SENP1: variants seen among roughly 807,000 people sequenced by gnomAD.
SENP1 encodes sentrin-specific protease 1.
Under a neutral mutation model 93.0 loss-of-function variants are expected in SENP1, and 21 were observed. That is an observed-to-expected ratio of 0.23 (90% CI 0.16 to 0.33). The LOEUF (loss-of-function observed/expected upper bound fraction) is 0.33, where lower values mean the gene tolerates loss of function less well. Among genes scored for constraint, SENP1 ranks in the 10% least tolerant of loss-of-function variants. The pLI is 1.00. For synonymous variants in SENP1, 256 were observed against 259.6 expected, an observed-to-expected ratio of 0.99 and a Z score of 0.13; for missense variants, 591 against 758.7, an observed-to-expected ratio of 0.78 and a Z score of 2.60.
At chr12:48,048,520 A>C (rs1384132412) in intron 14 of SENP1, among the ~76,000 whole-genome samples, 1 of 152,228 alleles carries the variant, frequency 6.6e-6, no homozygotes, top group Non-Finnish European at 1.5e-5. Flanking sequence ...CAGACTGTGA[A>C]ATAGTTTTAT....
chr12:48,075,512 G>C (rs1383314072), intron 6 of SENP1, among the ~76,000 whole-genome samples: 1 of 152,128 alleles, frequency 6.6e-6, no homozygotes, highest in Non-Finnish European at 1.5e-5. Context: ...AATCAGAGTG[G>C]AGTATCTTGC....
At chr12:48,102,381 G>A (rs144835417) in intron 1 of SENP1, among the ~76,000 whole-genome samples, 1,736 of 130,974 alleles carry the variant, frequency 0.013, 39 homozygotes, top group African/African-American at 0.047. Context: ...GCAGTAAGCC[G>A]AGATCATGCC....
intron 9 of SENP1, among the ~76,000 whole-genome samples, chr12:48,070,257 AAG>A (rs1250252694): frequency 1.3e-5 from 2 of 152,128 alleles, no homozygotes; most frequent in East Asian, 3.9e-4. Context: ...AAACACATGA[AAG>A]AGTCCCATAT....
At chr12:48,083,857 C>A in intron 5 of SENP1, 95 bp from the exon 6 acceptor site, 2 of 808,828 alleles carry the variant, frequency 2.5e-6, no homozygotes, top group South Asian at 1.9e-5. Context: ...TAAAACCAAC[C>A]AAACAAAACA....
At chr12:48,101,561 C>A in intron 1 of SENP1, 45 bp from the exon 2 acceptor site, 1 of 997,964 alleles carries the variant, frequency 1.0e-6, no homozygotes, top group Non-Finnish European at 1.5e-6. Flanking sequence ...ACTGAAACAC[C>A]TACTTCACTT....
intron 2 of SENP1, 148 bp from the exon 3 acceptor site, chr12:48,098,272 G>T: frequency 1.3e-6 from 1 of 763,192 alleles, no homozygotes; most frequent in Non-Finnish European, 2.0e-6. Flanking sequence ...GGCTGAGGCA[G>T]GAGGATTTTT....
chr12:48,079,290 TAG>T (rs1001847462), intron 6 of SENP1, among the ~76,000 whole-genome samples: 1 of 151,992 alleles, frequency 6.6e-6, no homozygotes, highest in Admixed American at 6.6e-5. Context: ...ATGAAGTCAG[TAG>T]ATCGAGACCA....
chr12:48,084,337 A>G (rs898837362), intron 5 of SENP1, among the ~76,000 whole-genome samples: 4 of 152,192 alleles, frequency 2.6e-5, no homozygotes, highest in Admixed American at 2.6e-4. Context: ...ACTTCCTCTG[A>G]AGAATTTTTT....
intron 5 of SENP1, among the ~76,000 whole-genome samples, chr12:48,084,534 C>T (rs1469366757): frequency 1.3e-5 from 2 of 150,238 alleles, no homozygotes; most frequent in Non-Finnish European, 3.0e-5. Context: ...CAGCAACCTC[C>T]ACCTCCCAGG....
chr12:48,084,643 T>G (rs1944720581), intron 5 of SENP1, among the ~76,000 whole-genome samples: 1 of 152,086 alleles, frequency 6.6e-6, no homozygotes, highest in Non-Finnish European at 1.5e-5. Context: ...AGACAGGGTT[T>G]CACCATGTTA....
chr12:48,085,361 C>A, intron 5 of SENP1: 1 of 1,402,418 alleles, frequency 7.1e-7, no homozygotes, highest in Non-Finnish European at 1.0e-6. Flanking sequence ...CATATGAGGA[C>A]GCCAAGGACT....
At chr12:48,078,061 G>A (rs1944222245) in intron 6 of SENP1, among the ~76,000 whole-genome samples, 1 of 151,830 alleles carries the variant, frequency 6.6e-6, no homozygotes. Flanking sequence ...CATGAGCACA[G>A]AATAGCTTTC....
chr12:48,083,764 T>TA lies in SENP1; in HGVS notation c.381-3dup. 4 of 1,586,814 alleles carry TA rather than the reference T, an allele frequency of 2.5e-6. No homozygotes were observed. The highest frequency in any genetic ancestry group is 2.6e-6 in the Non-Finnish European group (3 of 1,168,760). ...CCCGCAAAACTGTTTGATAATCCAC[T>TA]AAAAAAAGAGTTTGTAAGAAAGATA... On this transcript the variant is annotated splice_region_variant and splice_polypyrimidine_tract_variant and intron_variant, in intron 5 of 17. Coordinates refer to ENST00000549518, the MANE Select transcript of SENP1 (RefSeq NM_001267594.2).
At chr12:48,058,276 CAA>C (rs1942719468) in intron 13 of SENP1, among the ~76,000 whole-genome samples, 1 of 152,084 alleles carries the variant, frequency 6.6e-6, no homozygotes, top group African/African-American at 2.4e-5. Flanking sequence ...AACTATTAGA[CAA>C]TTTAAAATAT....
Position 48,045,057 on chromosome 12 carries a change from C to T in SENP1, c.*265G>A, listed in dbSNP as rs1941263520. ...GCCCTTTGAAAACAAGATGGCAGAA[C>T]TGAAGAAGTGAAAAGCAGTCTCTCT... On this transcript the variant is annotated 3_prime_UTR_variant, in exon 18 of 18. Transcript: ENST00000549518. 1 of 446,088 alleles carries T rather than the reference C, an allele frequency of 2.2e-6. No homozygotes were observed. The highest frequency in any genetic ancestry group is 4.0e-6 in the Non-Finnish European group (1 of 246,922). 27.6% of individuals were successfully genotyped at this position (446,088 alleles called of 1,614,324 possible). A position where few individuals can be genotyped will look rare whatever the true frequency, so the allele number is the denominator to read the frequency against.
chr12:48,065,603 T>C lies in SENP1; in HGVS notation c.1112A>G (p.Gln371Arg). Residue 371 changes from glutamine to arginine, a missense_variant, in exon 11 of 18, where the codon CAA becomes CGA. Transcript: ENST00000549518. The part of the protein sequence containing the change: ...EEQKALALQL[Q>R]NQRLQEREHS... ...TCCAATTTTCTTTTTTACCTGGTTTTGAAGCTGTAAGGCCAATGCCTTCTG... is the reference window on the plus strand; with the variant it reads ...TCCAATTTTCTTTTTTACCTGGTTTCGAAGCTGTAAGGCCAATGCCTTCTG... The C allele has an allele frequency of 1.3e-6, 2 of 1,551,444 alleles. No homozygotes were observed. The highest frequency in any genetic ancestry group is 1.7e-6 in the Non-Finnish European group (2 of 1,145,580).
At chr12:48,092,423 T>G (rs1439026214) in intron 4 of SENP1, among the ~76,000 whole-genome samples, 3 of 152,206 alleles carry the variant, frequency 2.0e-5, no homozygotes, top group Admixed American at 6.5e-5. Context: ...AGGTTTTAAT[T>G]AAAGACTTCA....
intron 1 of SENP1, chr12:48,105,268 T>C: frequency 2.4e-6 from 1 of 422,414 alleles, no homozygotes; most frequent in Admixed American, 2.6e-5. Flanking sequence ...AGCAAGTTAC[T>C]GCTAACAAGA....
intron 13 of SENP1, chr12:48,055,411 G>C (rs975826823): frequency 3.9e-5 from 6 of 152,444 alleles, no homozygotes; most frequent in African/African-American, 1.4e-4. Flanking sequence ...AAGGGACACA[G>C]TGCGGCTCCA....
Sources: allele counts gnomAD v4.1 joint callset (sites outside exome capture counted in the v4.1 genomes callset), GRCh38; gene constraint gnomAD v4.1.1; transcripts MANE v1.5; gene names NCBI Gene and HGNC (gene_info 2026-07-23, HGNC 2026-07-21).